Variants in STEAP1B observed in about 807,000 individuals in gnomAD.
The protein encoded by STEAP1B is STEAP family member 1B, also known as STEAP family protein MGC87042.
In STEAP1B, 13 loss-of-function variants were observed where a neutral mutation model predicts 27.9. That is an observed-to-expected ratio of 0.47 (90% CI 0.30 to 0.74). STEAP1B has a LOEUF of 0.74. Ranked by LOEUF, STEAP1B falls within the 30% of genes least tolerant of loss-of-function variation. STEAP1B has a pLI of 0.06. For missense variants in STEAP1B, 250 were observed against 298.7 expected (o/e 0.84, Z 1.20); for synonymous variants, 86 against 107.1 (o/e 0.80, Z 1.22).
intron 4 of STEAP1B, among the ~76,000 whole-genome samples, chr7:22,489,899 G>C (rs1027622351): frequency 6.6e-6 from 1 of 152,130 alleles, no homozygotes; most frequent in African/African-American, 2.4e-5. Flanking sequence ...GTATATCTGG[G>C]TTATTTTATA....
chr7:22,464,103 T>A lies in STEAP1B; in HGVS notation c.762+28462A>T, dbSNP rs375074112. ...AGAATCTACAATGATTGAACTCTTTTCTCTTTTTAATTCAGCTGACAGTGT... is the reference window on the plus strand; with the variant it reads ...AGAATCTACAATGATTGAACTCTTTACTCTTTTTAATTCAGCTGACAGTGT... On this transcript the variant is annotated intron_variant, in intron 4 of 4. Coordinates refer to ENST00000678116, the MANE Select transcript of STEAP1B (RefSeq NM_001382447.1). Among the ~76,000 whole-genome samples the A allele has an allele frequency of 1.4e-4, 22 of 152,352 alleles. No individual in the cohort carries two copies. The East Asian group carries it at 3.9e-3, about 27-fold the overall frequency.
At chr7:22,465,082 C>T (rs1785753878) in intron 4 of STEAP1B, among the ~76,000 whole-genome samples, 1 of 150,882 alleles carries the variant, frequency 6.6e-6, no homozygotes, top group East Asian at 1.9e-4. Flanking sequence ...AAAAGGGTTA[C>T]CTGAACACAA....
chr7:22,423,633 G>A (rs1407937979), intron 4 of STEAP1B, among the ~76,000 whole-genome samples: 1 of 152,230 alleles, frequency 6.6e-6, no homozygotes, highest in Non-Finnish European at 1.5e-5. Flanking sequence ...TTACTCAATT[G>A]AGCATGAGGT....
In STEAP1B at chr7:22,472,835, G is replaced by A. The variant is rs139149296; in HGVS notation, c.762+19730C>T. Among the ~76,000 whole-genome samples, 703 of 152,264 alleles carry A rather than the reference G, an allele frequency of 4.6e-3. 11 individuals carry two copies. Among genetic ancestry groups the A allele is most frequent in the African/African-American group, 0.016 (663 of 41,556 alleles). On this transcript the variant is annotated intron_variant, in intron 4 of 4. Transcript: ENST00000678116. Reference sequence around the variant, plus strand: ...TATGCAGGAGAATGGAAAGAGTCATGGGCTATGGAGGCGGGAGATTTACGT... The same window carrying A: ...TATGCAGGAGAATGGAAAGAGTCATAGGCTATGGAGGCGGGAGATTTACGT...
intron 4 of STEAP1B, among the ~76,000 whole-genome samples, chr7:22,484,228 A>G (rs1356885730): frequency 6.6e-6 from 1 of 152,240 alleles, no homozygotes; most frequent in African/African-American, 2.4e-5. Context: ...GATGCCATCT[A>G]GGAGAAGTTC....
chr7:22,485,908 T>C (rs773424072), intron 4 of STEAP1B, among the ~76,000 whole-genome samples: 1 of 152,176 alleles, frequency 6.6e-6, no homozygotes, highest in African/African-American at 2.4e-5. Flanking sequence ...AGGATGCTGA[T>C]GCTGCTGGTT....
Position 22,493,600 on chromosome 7 carries a change from A to T in STEAP1B, c.321T>A (p.Tyr107Ter). The stretch of plus-strand genomic sequence containing the variant: ...TGTTGATGACCAGGATTGGAATTTT[A>T]TAAAAATATTGTTGATGGGAAGTTG... ...PLATSHQQYFYKIPILVINKV... is the reference protein window; with the variant it reads ...PLATSHQQYF The change falls in exon 3 of 5, where the codon TAT (tyrosine) becomes TAA (stop). Residue 107 changes from tyrosine to a stop codon, truncating the protein, a stop_gained. Coordinates refer to ENST00000678116, the MANE Select transcript of STEAP1B (RefSeq NM_001382447.1). LOFTEE classifies it high-confidence loss of function. 6.2e-7 allele frequency: 1 copy of T among 1,613,952 alleles called. No homozygotes were observed. Among genetic ancestry groups the T allele is most frequent in the South Asian group, 1.1e-5 (1 of 91,078 alleles).
chr7:22,433,710 T>C (rs1428151792), intron 4 of STEAP1B, among the ~76,000 whole-genome samples: 1 of 152,130 alleles, frequency 6.6e-6, no homozygotes, highest in East Asian at 1.9e-4. Context: ...GATAGACAGA[T>C]TTAGGACTGT....
chr7:22,426,597 C>A (rs1443389377), intron 4 of STEAP1B, among the ~76,000 whole-genome samples: 1 of 152,208 alleles, frequency 6.6e-6, no homozygotes, highest in Non-Finnish European at 1.5e-5. Flanking sequence ...AAAACTGTCA[C>A]ATGGGGCAGT....
At chr7:22,447,359 G>T (rs2128403518) in intron 4 of STEAP1B, among the ~76,000 whole-genome samples, 1 of 152,258 alleles carries the variant, frequency 6.6e-6, no homozygotes, top group Non-Finnish European at 1.5e-5. Context: ...TGTGTGTACT[G>T]GTCAGCTTGT....
intron 4 of STEAP1B, chr7:22,438,352 G>T: frequency 9.9e-7 from 1 of 1,010,584 alleles, no homozygotes. Flanking sequence ...ACATAATACT[G>T]TTAGTGAAGA....
At chr7:22,471,783 G>C (rs537861979) in intron 4 of STEAP1B, among the ~76,000 whole-genome samples, 12 of 150,176 alleles carry the variant, frequency 8.0e-5, no homozygotes, top group African/African-American at 2.9e-4. Context: ...CATACTTGTA[G>C]TCCCAGCTAC....
intron 4 of STEAP1B, among the ~76,000 whole-genome samples, chr7:22,486,301 C>T (rs1786207585): frequency 6.6e-6 from 1 of 152,192 alleles, no homozygotes; most frequent in Non-Finnish European, 1.5e-5. Context: ...CCCATTGGCA[C>T]TGTGGAGTAT....
At chr7:22,479,945 G>A (rs1292646445) in intron 4 of STEAP1B, among the ~76,000 whole-genome samples, 1 of 151,990 alleles carries the variant, frequency 6.6e-6, no homozygotes, top group Non-Finnish European at 1.5e-5. Context: ...AAAATGATTA[G>A]AATTAAAATT....
intron 4 of STEAP1B, among the ~76,000 whole-genome samples, chr7:22,457,488 C>A (rs1785606717): frequency 6.6e-6 from 1 of 152,156 alleles, no homozygotes; most frequent in Non-Finnish European, 1.5e-5. Flanking sequence ...AGTGCCAAGG[C>A]TAGGAGAGCA....
chr7:22,480,753 A>G (rs906326119), intron 4 of STEAP1B, among the ~76,000 whole-genome samples: 3 of 152,150 alleles, frequency 2.0e-5, no homozygotes, highest in East Asian at 1.9e-4. Flanking sequence ...GCTTCAGGGT[A>G]TGATGCTATC....
intron 4 of STEAP1B, among the ~76,000 whole-genome samples, chr7:22,442,220 A>T (rs148239046): frequency 2.0e-5 from 3 of 152,244 alleles, no homozygotes; most frequent in Non-Finnish European, 4.4e-5. Flanking sequence ...ACAGCTTCAT[A>T]TTCATAGCCC....
At chr7:22,424,754 A>G (rs1785085231) in intron 4 of STEAP1B, among the ~76,000 whole-genome samples, 2 of 152,172 alleles carry the variant, frequency 1.3e-5, no homozygotes, top group South Asian at 4.1e-4. Flanking sequence ...ATTATCAGAG[A>G]ACGTTTAAGT....
chr7:22,422,353 A>T (rs151044019), intron 4 of STEAP1B, among the ~76,000 whole-genome samples: 8 of 152,380 alleles, frequency 5.3e-5, no homozygotes, highest in Non-Finnish European at 1.2e-4. Context: ...CAAATATTGT[A>T]ACCGCAAAGG....
Sources: gnomAD v4.1 joint callset for allele counts (sites outside exome capture counted in the v4.1 genomes callset) on GRCh38, gnomAD v4.1.1 for gene constraint, MANE v1.5 for transcripts, NCBI Gene and HGNC (gene_info 2026-07-23, HGNC 2026-07-21) for gene names.